Variants in SMARCAD1 observed in about 807,000 individuals in gnomAD.
SMARCAD1 encodes the protein SWI/SNF-related matrix-associated actin-dependent regulator of chromatin subfamily A containing DEAD/H box 1.
A neutral mutation model predicts 127.1 loss-of-function variants in SMARCAD1; 25 were observed. The ratio of observed to expected loss-of-function variants is 0.20; its 90% CI spans 0.14 to 0.27. SMARCAD1 has a LOEUF of 0.27. Among genes scored for constraint, SMARCAD1 ranks in the 10% least tolerant of loss-of-function variants. The pLI, the probability that SMARCAD1 is intolerant of heterozygous loss-of-function variation, is 1.00. For synonymous variants in SMARCAD1, 400 were observed against 396.9 expected, an observed-to-expected ratio of 1.01 and a Z score of -0.09; for missense variants, 807 against 1,206.0, an observed-to-expected ratio of 0.67 and a Z score of 4.90.
intron 22 of SMARCAD1, among the ~76,000 whole-genome samples, chr4:94,284,487 C>T (rs1754628492): frequency 6.6e-6 from 1 of 152,006 alleles, no homozygotes; most frequent in African/African-American, 2.4e-5. Flanking sequence ...CAATCTCCAC[C>T]TCCCAGGTTC....
At chr4:94,241,607 G>T (rs140868044) in intron 6 of SMARCAD1, among the ~76,000 whole-genome samples, 1 of 152,160 alleles carries the variant, frequency 6.6e-6, no homozygotes, top group Non-Finnish European at 1.5e-5. Flanking sequence ...GGATAGGGAA[G>T]GCAAATTCAT....
intron 6 of SMARCAD1, among the ~76,000 whole-genome samples, chr4:94,244,379 A>G (rs1030777748): frequency 6.6e-6 from 1 of 151,944 alleles, no homozygotes; most frequent in African/African-American, 2.4e-5. Context: ...GCTGCAAAAG[A>G]ATTTTTCAGC....
At chr4:94,233,808 A>AG (rs1439795146) in intron 3 of SMARCAD1, 146 bp from the exon 4 acceptor site, 70 of 835,872 alleles carry the variant, frequency 8.4e-5, no homozygotes, top group Non-Finnish European at 1.3e-4. Context: ...ATGGAAAAAA[A>AG]AGGTCTCTTT....
At chr4:94,209,417 A>G (rs770461642) in intron 2 of SMARCAD1, among the ~76,000 whole-genome samples, 1 of 152,088 alleles carries the variant, frequency 6.6e-6, no homozygotes, top group Non-Finnish European at 1.5e-5. Flanking sequence ...AGCATAAACT[A>G]ATTAGTTAGT....
At chr4:94,273,934 T>G (rs936843810) in intron 12 of SMARCAD1, among the ~76,000 whole-genome samples, 5 of 152,222 alleles carry the variant, frequency 3.3e-5, no homozygotes, top group Non-Finnish European at 5.9e-5. Context: ...GTAAGTCAGT[T>G]TTAAAATTTT....
At chr4:94,271,515 T>A (rs1420494891) in intron 11 of SMARCAD1, among the ~76,000 whole-genome samples, 1 of 152,210 alleles carries the variant, frequency 6.6e-6, no homozygotes, top group African/African-American at 2.4e-5. Context: ...GTGTGTTGGA[T>A]TCCTAAAATA....
intron 9 of SMARCAD1, among the ~76,000 whole-genome samples, chr4:94,260,267 T>C (rs1352384968): frequency 6.6e-6 from 1 of 152,220 alleles, no homozygotes; most frequent in East Asian, 1.9e-4. Context: ...TTGTTACTTT[T>C]TGTAACATTA....
At chr4:94,231,254 A>G (rs919889070) in intron 3 of SMARCAD1, among the ~76,000 whole-genome samples, 12 of 152,156 alleles carry the variant, frequency 7.9e-5, no homozygotes, top group African/African-American at 1.2e-4. Flanking sequence ...TCTTGAGCAC[A>G]TTGCCGATTG....
rs532559967 is a variant in SMARCAD1, at chr4:94,271,844, T to C, written c.1572+1026T>C. Among the ~76,000 whole-genome samples the C allele has an allele frequency of 1.4e-4, 21 of 152,360 alleles. 1 individual carries two copies. In the South Asian group the frequency reaches 4.1e-3, roughly 30 times the overall value. On this transcript the variant is annotated intron_variant, in intron 11 of 23. Transcript: ENST00000354268. Reference sequence around the variant, plus strand: ...CTAATAATAAAATGTAGATAGTCTTTATATCATAAGATTGCATTTGCTATC... The same window carrying C: ...CTAATAATAAAATGTAGATAGTCTTCATATCATAAGATTGCATTTGCTATC...
chr4:94,223,882 C>G (rs1214847666), intron 2 of SMARCAD1, among the ~76,000 whole-genome samples: 1 of 151,762 alleles, frequency 6.6e-6, no homozygotes, highest in Non-Finnish European at 1.5e-5. Flanking sequence ...CACCTGGCCT[C>G]TCATAGTCTT....
intron 16 of SMARCAD1, among the ~76,000 whole-genome samples, chr4:94,277,431 T>TATAG (rs1258866830): frequency 1.3e-5 from 2 of 152,240 alleles, no homozygotes; most frequent in African/African-American, 2.4e-5. Context: ...AGCTCAGATA[T>TATAG]ATAGTATGTG....
At chr4:94,270,456 A>G (rs1025498673) in intron 10 of SMARCAD1, 25 of 344,876 alleles carry the variant, frequency 7.2e-5, no homozygotes, top group South Asian at 5.8e-4. Context: ...CTAATCATTT[A>G]TGGAATTAAT....
At chr4:94,255,928 T>C (rs558384310) in intron 9 of SMARCAD1, among the ~76,000 whole-genome samples, 1 of 152,230 alleles carries the variant, frequency 6.6e-6, no homozygotes, top group East Asian at 1.9e-4. Context: ...TTAAATCAAG[T>C]AGGGTTCAGA....
intron 3 of SMARCAD1, among the ~76,000 whole-genome samples, chr4:94,233,582 T>C (rs1468864268): frequency 1.3e-5 from 2 of 152,204 alleles, no homozygotes; most frequent in Non-Finnish European, 2.9e-5. Context: ...TTAATCTTCA[T>C]AATTTCTTAG....
Position 94,250,803 on chromosome 4 carries a change from G to C in SMARCAD1, c.859G>C (p.Glu287Gln), listed in dbSNP as rs775205670. The change falls in exon 8 of 24, where the codon GAA becomes CAA. Residue 287 changes from glutamate (E) to glutamine (Q), a missense_variant. Physicochemically the swap from Glu to Gln is conservative, Grantham distance 29. Around this residue, in one of 8 missense-constraint regions of SMARCAD1, gnomAD observed 257 missense variants for 303.4 expected, o/e 0.85. Coordinates refer to ENST00000354268, the MANE Select transcript of SMARCAD1 (RefSeq NM_020159.5). ...TGAATGGATGTACACAGAAGCTTTA[G>C]AATCTCTAAAAGTGTTTGCAGAAGA... ...EHEWMYTEAL[E>Q]SLKVFAEDQD... 1.2e-6 allele frequency: 2 copies of C among 1,612,560 alleles called. No homozygotes were observed. Among genetic ancestry groups the C allele is most frequent in the Admixed American group, 3.3e-5 (2 of 59,982 alleles).
chr4:94,260,122 C>T (rs1429955320), intron 9 of SMARCAD1, among the ~76,000 whole-genome samples: 1 of 152,022 alleles, frequency 6.6e-6, no homozygotes, highest in Non-Finnish European at 1.5e-5. Context: ...TCTGATTATA[C>T]CTCCCCAGTG....
In SMARCAD1 at chr4:94,249,897, A is replaced by C. The variant is rs567742895; in HGVS notation, c.807+142A>C. 46 of 634,192 alleles carry C rather than the reference A, an allele frequency of 7.3e-5. No individual in the cohort carries two copies. In the African/African-American group the frequency reaches 7.7e-4, roughly 11 times the overall value. The allele number at this position is 634,192 out of a possible 1,614,324, so 39.3% of individuals were successfully genotyped here. ...ATGTTCTCCTTTTATCAATGTTATAAAGTATTTTCATACTGTTTATTTATG... is the reference window on the plus strand; with the variant it reads ...ATGTTCTCCTTTTATCAATGTTATACAGTATTTTCATACTGTTTATTTATG... On this transcript the variant is annotated intron_variant, in intron 7 of 23. Coordinates refer to ENST00000354268, the MANE Select transcript of SMARCAD1 (RefSeq NM_020159.5).
Position 94,252,648 on chromosome 4 carries a change from A to G in SMARCAD1, c.922A>G (p.Asn308Asp), listed in dbSNP as rs1749458072. 1 of 1,573,668 alleles carries G rather than the reference A, an allele frequency of 6.4e-7. No homozygotes were observed. The highest frequency in any genetic ancestry group is 8.6e-7 in the Non-Finnish European group (1 of 1,163,896). ...MQYVSQSEVP[N>D]GKEVSSRSQN... ...ATATGTATCACAAAGTGAGGTTCCA[A>G]ATGGAAAAGAAGTTTCTTCAAGAAG... Residue 308 changes from asparagine to aspartate, a missense_variant, in exon 9 of 24, where the codon AAT (asparagine) becomes GAT (aspartate). Transcript: ENST00000354268.
chr4:94,273,111 A>G (rs1371463868), intron 11 of SMARCAD1, among the ~76,000 whole-genome samples: 1 of 152,130 alleles, frequency 6.6e-6, no homozygotes, highest in Non-Finnish European at 1.5e-5. Flanking sequence ...CAACCTATTT[A>G]GGTTATTTCC....
Sources: gnomAD v4.1 joint callset for allele counts (sites outside exome capture counted in the v4.1 genomes callset) on GRCh38, gnomAD v4.1.1 for gene constraint, gnomAD v4.1.1 regional missense constraint, MANE v1.5 for transcripts, NCBI Gene and HGNC (gene_info 2026-07-23, HGNC 2026-07-21) for gene names.